Variants in EVA1A observed in about 807,000 individuals in gnomAD.
EVA1A encodes the protein protein eva-1 homolog A.
A neutral mutation model predicts 9.8 loss-of-function variants in EVA1A; 7 were observed. That is an observed-to-expected ratio of 0.71 (90% CI 0.41 to 1.34). The LOEUF (loss-of-function observed/expected upper bound fraction) is 1.34, where lower values mean the gene tolerates loss of function less well. EVA1A is among the 40% of genes most tolerant of loss of function. The pLI, the probability that EVA1A is intolerant of heterozygous loss-of-function variation, is 0.01. For synonymous variants in EVA1A, 90 were observed against 85.6 expected (o/e 1.05, Z -0.28); for missense variants, 206 against 205.9 (o/e 1.00, Z 0.00).
At chr2:75,494,312 G>A (rs778210690) in intron 3 of EVA1A, among the ~76,000 whole-genome samples, 6 of 152,172 alleles carry the variant, frequency 3.9e-5, no homozygotes, top group Non-Finnish European at 8.8e-5. Context: ...AAGTATGCAT[G>A]CACGGACTGG....
chr2:75,514,346 T>C (rs1010959719), intron 3 of EVA1A, among the ~76,000 whole-genome samples: 11 of 152,168 alleles, frequency 7.2e-5, no homozygotes, highest in African/African-American at 2.7e-4. Context: ...GACAATATTC[T>C]ATTCTAGGCT....
chr2:75,568,272 A>G (rs1176332275), intron 1 of EVA1A, among the ~76,000 whole-genome samples: 2 of 151,796 alleles, frequency 1.3e-5, no homozygotes, highest in Admixed American at 1.3e-4. Flanking sequence ...TTAATAATGT[A>G]TTATTATTTG....
chr2:75,556,345 C>T (rs1212601306), intron 1 of EVA1A, among the ~76,000 whole-genome samples: 2 of 152,190 alleles, frequency 1.3e-5, no homozygotes, highest in Non-Finnish European at 2.9e-5. Flanking sequence ...AAGTCTGCTG[C>T]AGGTCACTTA....
At chr2:75,500,803 C>T (rs1674389382) in intron 3 of EVA1A, among the ~76,000 whole-genome samples, 1 of 151,572 alleles carries the variant, frequency 6.6e-6, no homozygotes, top group African/African-American at 2.4e-5. Context: ...GCCCAATGCC[C>T]AGAGTCATTT....
intron 1 of EVA1A, among the ~76,000 whole-genome samples, chr2:75,568,324 TTAAA>T (rs1466685828): frequency 6.6e-6 from 1 of 150,378 alleles, no homozygotes; most frequent in African/African-American, 2.4e-5. Flanking sequence ...ATAATTATTA[TTAAA>T]TAATTAAGTA....
At chr2:75,524,849 T>C (rs2103868960) in intron 1 of EVA1A, among the ~76,000 whole-genome samples, 1 of 152,302 alleles carries the variant, frequency 6.6e-6, no homozygotes, top group African/African-American at 2.4e-5. Flanking sequence ...GATTCTTCTT[T>C]GACTTTCCCT....
At chr2:75,556,439 C>A (rs1300496384) in intron 1 of EVA1A, among the ~76,000 whole-genome samples, 1 of 152,220 alleles carries the variant, frequency 6.6e-6, no homozygotes, top group Non-Finnish European at 1.5e-5. Context: ...TCCCCCTAAC[C>A]TTTCTACCCT....
upstream of EVA1A, among the ~76,000 whole-genome samples, chr2:75,565,904 G>A (rs1175732801): frequency 6.6e-6 from 1 of 152,138 alleles, no homozygotes; most frequent in African/African-American, 2.4e-5. Flanking sequence ...CTTAACAAAA[G>A]TGAATTTGAA....
intron 1 of EVA1A, among the ~76,000 whole-genome samples, chr2:75,534,540 G>A (rs1558685317): frequency 6.7e-6 from 1 of 148,994 alleles, no homozygotes. Flanking sequence ...ACAAAAAGCA[G>A]AAGACAAAAG....
chr2:75,503,293 G>A (rs1455197166), intron 3 of EVA1A, among the ~76,000 whole-genome samples: 1 of 152,090 alleles, frequency 6.6e-6, no homozygotes, highest in Non-Finnish European at 1.5e-5. Flanking sequence ...ACTTCCTCTT[G>A]GCCAGTGATC....
At chr2:75,543,774 C>A (rs1676224568) in intron 1 of EVA1A, among the ~76,000 whole-genome samples, 1 of 152,162 alleles carries the variant, frequency 6.6e-6, no homozygotes, top group South Asian at 2.1e-4. Context: ...TCAGCACAGA[C>A]AAACTGCTGA....
intron 2 of EVA1A, 62 bp from the exon 3 acceptor site, chr2:75,518,270 G>GC: frequency 6.9e-7 from 1 of 1,454,390 alleles, no homozygotes; most frequent in Non-Finnish European, 9.1e-7. Context: ...CATGTTCCAG[G>GC]TAGCCTGGAC....
intron 1 of EVA1A, among the ~76,000 whole-genome samples, chr2:75,545,644 C>G (rs1676303270): frequency 6.6e-6 from 1 of 151,858 alleles, no homozygotes; most frequent in Non-Finnish European, 1.5e-5. Context: ...GGGAAGGAGG[C>G]TAAAGGGAAA....
intron 1 of EVA1A, among the ~76,000 whole-genome samples, chr2:75,548,444 A>AT (rs1676403946): frequency 6.6e-6 from 1 of 151,912 alleles, no homozygotes; most frequent in Admixed American, 6.6e-5. Context: ...CTCCTTGCTC[A>AT]TTTCTTGCCA....
chr2:75,506,519 G>A (rs1674625614), intron 3 of EVA1A, among the ~76,000 whole-genome samples: 2 of 152,200 alleles, frequency 1.3e-5, no homozygotes, highest in Admixed American at 1.3e-4. Context: ...CTCAGCCCAT[G>A]CAGGAAGCTC....
In EVA1A at chr2:75,551,389, G is replaced by A. The variant is rs559828532; in HGVS notation, c.-192+9291C>T. ...CAATAGCTTTGGAATTTCCAAATCC[G>A]TGAACATTTCAGATCTCTCATTCTT... is the stretch of plus-strand genomic sequence containing the variant. On this transcript the variant is annotated intron_variant, in intron 1 of 3. Transcript: ENST00000393913. Among the ~76,000 whole-genome samples the A allele has an allele frequency of 1.6e-4, 24 of 152,204 alleles. No homozygotes were observed. The South Asian group carries it at 4.4e-3, about 28-fold the overall frequency.
At chr2:75,527,415 T>A (rs1275016522) in intron 1 of EVA1A, among the ~76,000 whole-genome samples, 1 of 152,004 alleles carries the variant, frequency 6.6e-6, no homozygotes, top group African/African-American at 2.4e-5. Flanking sequence ...AACTAGATCC[T>A]CCTCCCCCTC....
intron 3 of EVA1A, among the ~76,000 whole-genome samples, chr2:75,499,681 G>C (rs1674340095): frequency 6.6e-6 from 1 of 152,158 alleles, no homozygotes; most frequent in African/African-American, 2.4e-5. Flanking sequence ...ATTGCTAACA[G>C]AATTGATTTT....
intron 1 of EVA1A, among the ~76,000 whole-genome samples, chr2:75,528,088 C>A (rs1675515217): frequency 1.3e-5 from 2 of 152,226 alleles, no homozygotes; most frequent in African/African-American, 4.8e-5. Context: ...GCCCTGTAGG[C>A]ACTCCTGATC....
Sources: allele counts gnomAD v4.1 joint callset (sites outside exome capture counted in the v4.1 genomes callset), GRCh38; gene constraint gnomAD v4.1.1; transcripts MANE v1.5; gene names NCBI Gene and HGNC (gene_info 2026-07-23, HGNC 2026-07-21).